PALM2AKAP2: variants seen among roughly 807,000 people sequenced by gnomAD.
PALM2AKAP2 encodes PALM2-AKAP2 fusion protein.
A neutral mutation model predicts 71.5 loss-of-function variants in PALM2AKAP2; 37 were observed. That is an observed-to-expected ratio of 0.52 (90% confidence interval 0.40 to 0.68). The LOEUF (loss-of-function observed/expected upper bound fraction) is 0.68, where lower values mean the gene tolerates loss of function less well. Among genes scored for constraint, PALM2AKAP2 ranks in the 30% least tolerant of loss-of-function variants. The pLI is 0.00. For missense variants in PALM2AKAP2, 1,224 were observed against 1,191.8 expected (o/e 1.03, Z -0.40); for synonymous variants, 468 against 478.8 (o/e 0.98, Z 0.29).
At chr9:110,164,574 AGG>A (rs1836686865) in intron 3 of PALM2AKAP2, among the ~76,000 whole-genome samples, 1 of 141,518 alleles carries the variant, frequency 7.1e-6, no homozygotes, top group Non-Finnish European at 1.5e-5. Context: ...TCTGTCACCC[AGG>A]CTGAAGTACA....
At chr9:109,804,683 C>G (rs1272547856) in intron 1 of PALM2AKAP2, among the ~76,000 whole-genome samples, 2 of 152,164 alleles carry the variant, frequency 1.3e-5, no homozygotes, top group Non-Finnish European at 2.9e-5. Flanking sequence ...AATTTTACTT[C>G]TGTGGGTTTT....
At chr9:110,008,661 A>G (rs200054440) in intron 6 of PALM2AKAP2, among the ~76,000 whole-genome samples, 1 of 152,198 alleles carries the variant, frequency 6.6e-6, no homozygotes, top group East Asian at 1.9e-4. Context: ...ACAATCCCCA[A>G]TCCTGTGGCT....
chr9:110,066,810 T>A (rs964636015), intron 1 of PALM2AKAP2, among the ~76,000 whole-genome samples: 4 of 152,314 alleles, frequency 2.6e-5, no homozygotes, highest in Middle Eastern at 3.4e-3. Flanking sequence ...TGGCTATTTT[T>A]AATATATTGT....
chr9:110,014,776 T>C (rs1206769184), intron 6 of PALM2AKAP2, among the ~76,000 whole-genome samples: 10 of 52,978 alleles, frequency 1.9e-4, no homozygotes, highest in African/African-American at 7.5e-4. Context: ...CTGTCCTCTG[T>C]CTCAAAAAAA....
chr9:109,814,106 G>T (rs1827792901), intron 1 of PALM2AKAP2, among the ~76,000 whole-genome samples: 1 of 152,184 alleles, frequency 6.6e-6, no homozygotes, highest in Non-Finnish European at 1.5e-5. Context: ...ACTACCGTTT[G>T]CAGTGAAGGT....
intron 1 of PALM2AKAP2, among the ~76,000 whole-genome samples, chr9:109,743,155 C>T (rs1421177755): frequency 6.6e-6 from 1 of 152,150 alleles, no homozygotes; most frequent in Non-Finnish European, 1.5e-5. Context: ...CACAACTCCC[C>T]AAATCCAGTA....
chr9:109,712,997 A>C lies in PALM2AKAP2; in HGVS notation c.6-67491A>C, dbSNP rs527655826. Reference sequence around the variant, plus strand: ...CCTGATGGGCCACACAGTCCAGATGAATGGATGGAGATATTGGGTTTGACT... The same window carrying C: ...CCTGATGGGCCACACAGTCCAGATGCATGGATGGAGATATTGGGTTTGACT... On this transcript the variant is annotated intron_variant, in intron 1 of 6. Transcript: ENST00000374531. Among the ~76,000 whole-genome samples the C allele has an allele frequency of 2.6e-5, 4 of 152,332 alleles. No homozygotes were observed. The South Asian group carries it at 8.3e-4, about 32-fold the overall frequency.
chr9:110,070,678 A>G (rs1358146949), intron 1 of PALM2AKAP2, among the ~76,000 whole-genome samples: 2 of 152,198 alleles, frequency 1.3e-5, no homozygotes, highest in African/African-American at 4.8e-5. Context: ...AGCTGCCTGA[A>G]CTAACTCAGA....
chr9:110,045,443 A>G (rs958517292), upstream of PALM2AKAP2, among the ~76,000 whole-genome samples: 4 of 152,288 alleles, frequency 2.6e-5, no homozygotes, highest in Non-Finnish European at 4.4e-5. Context: ...AACCTTGCCC[A>G]TTGCCAGTGT....
intron 1 of PALM2AKAP2, among the ~76,000 whole-genome samples, chr9:110,081,828 A>T (rs1834455910): frequency 6.6e-6 from 1 of 151,982 alleles, no homozygotes; most frequent in South Asian, 2.1e-4. Context: ...AGCCCTCACG[A>T]TGTTAGAGAT....
chr9:109,750,312 G>A (rs1828866679), intron 1 of PALM2AKAP2, among the ~76,000 whole-genome samples: 1 of 152,166 alleles, frequency 6.6e-6, no homozygotes, highest in Non-Finnish European at 1.5e-5. Flanking sequence ...TAGCCTGTTG[G>A]AATAGCCTGG....
At chr9:109,996,432 A>T (rs560457484) in intron 6 of PALM2AKAP2, among the ~76,000 whole-genome samples, 1 of 152,378 alleles carries the variant, frequency 6.6e-6, no homozygotes, top group East Asian at 1.9e-4. Context: ...GGTTGCTTAA[A>T]AAGGCTTTAA....
At chr9:110,013,006 C>T (rs960056748) in intron 6 of PALM2AKAP2, among the ~76,000 whole-genome samples, 1 of 152,184 alleles carries the variant, frequency 6.6e-6, no homozygotes, top group Admixed American at 6.5e-5. Flanking sequence ...TACAATAATG[C>T]TGCTTGACAA....
chr9:109,937,428 A>G (rs759774289), intron 6 of PALM2AKAP2, among the ~76,000 whole-genome samples: 21 of 152,150 alleles, frequency 1.4e-4, no homozygotes, highest in Non-Finnish European at 2.5e-4. Flanking sequence ...GAGGCCCAAA[A>G]TCAAAGTATC....
At chr9:109,905,349 C>G (rs1418161304) in intron 3 of PALM2AKAP2, among the ~76,000 whole-genome samples, 1 of 152,012 alleles carries the variant, frequency 6.6e-6, no homozygotes, top group Non-Finnish European at 1.5e-5. Flanking sequence ...CACGCATGAG[C>G]CAGGGCCAGG....
intron 1 of PALM2AKAP2, among the ~76,000 whole-genome samples, chr9:110,104,557 C>A (rs1835071934): frequency 6.6e-6 from 1 of 152,140 alleles, no homozygotes; most frequent in South Asian, 2.1e-4. Flanking sequence ...GCTTCACTGG[C>A]CTAGAAACCC....
At chr9:109,757,787 C>A (rs921103891) in intron 1 of PALM2AKAP2, among the ~76,000 whole-genome samples, 1 of 151,922 alleles carries the variant, frequency 6.6e-6, no homozygotes, top group Non-Finnish European at 1.5e-5. Flanking sequence ...TGTCTATGGT[C>A]ATAAGACTTA....
chr9:109,890,623 A>C (rs555567017), intron 3 of PALM2AKAP2, among the ~76,000 whole-genome samples: 3 of 152,326 alleles, frequency 2.0e-5, no homozygotes, highest in South Asian at 2.1e-4. Context: ...GGTGAGAGGA[A>C]AGGGTTACAC....
In PALM2AKAP2 at chr9:110,135,172, A is replaced by ATATATATATATATATAT. The variant is rs58573716; in HGVS notation, c.157-955_157-954insTATATATATATATATAT. Among the ~76,000 whole-genome samples, 11 of 61,092 alleles carry ATATATATATATATATAT rather than the reference A, an allele frequency of 1.8e-4. 1 individual carries two copies. Among genetic ancestry groups the ATATATATATATATATAT allele is most frequent in the African/African-American group, 6.1e-4 (10 of 16,428 alleles). The allele number at this position is 61,092 out of a possible 152,430, so 40.1% of individuals were successfully genotyped here. A position where few individuals can be genotyped will look rare whatever the true frequency, so the allele number is the denominator to read the frequency against. On this transcript the variant is annotated intron_variant, in intron 1 of 3. Transcript: ENST00000374525. Reference sequence around the variant, plus strand: ...CTCTACAAAAAAAAAAAAATATATAAATATATATATATATATAAATCAGCC... The same window carrying ATATATATATATATATAT: ...CTCTACAAAAAAAAAAAAATATATAATATATATATATATATATATATATATATATATATAAATCAGCC...
Sources: gnomAD v4.1 joint callset for allele counts (sites outside exome capture counted in the v4.1 genomes callset) on GRCh38, gnomAD v4.1.1 for gene constraint, MANE v1.5 for transcripts, NCBI Gene and HGNC (gene_info 2026-07-23, HGNC 2026-07-21) for gene names.